Variants in PCBD1 observed in about 807,000 individuals in gnomAD.
PCBD1 encodes the protein pterin-4 alpha-carbinolamine dehydratase 1.
In PCBD1, 16 loss-of-function variants were observed where a neutral mutation model predicts 12.6. The ratio of observed to expected loss-of-function variants is 1.27; its 90% confidence interval spans 0.86 to 1.93. The LOEUF (loss-of-function observed/expected upper bound fraction) is 1.93, where lower values mean the gene tolerates loss of function less well. Among genes scored for constraint, PCBD1 ranks in the 30% most tolerant of loss-of-function variants. The pLI, the probability that PCBD1 is intolerant of heterozygous loss-of-function variation, is 0.00. For synonymous variants in PCBD1, 53 were observed against 50.2 expected, an observed-to-expected ratio of 1.05 and a Z score of -0.23; for missense variants, 86 against 130.1, an observed-to-expected ratio of 0.66 and a Z score of 1.65.
chr10:70,884,116 T>A, intron 3 of PCBD1, 68 bp from the exon 4 acceptor site: 2 of 1,524,980 alleles, frequency 1.3e-6, no homozygotes, highest in African/African-American at 1.4e-5. Flanking sequence ...CACTAGCTGC[T>A]GGGCTCAGCC....
At chr10:70,888,420 G>A in intron 1 of PCBD1, 111 bp downstream of exon 1, 2 of 1,250,660 alleles carry the variant, frequency 1.6e-6, no homozygotes, top group South Asian at 1.6e-5. Context: ...GGACCCCGGC[G>A]GCTCCGCAGG....
At chr10:70,885,441 T>C (rs576571852) in intron 2 of PCBD1, among the ~76,000 whole-genome samples, 2 of 152,354 alleles carry the variant, frequency 1.3e-5, no homozygotes, top group East Asian at 3.9e-4. Flanking sequence ...CTATTTAGGA[T>C]GTCAACAAGG....
chr10:70,886,176 G>A (rs1846579978), intron 1 of PCBD1, among the ~76,000 whole-genome samples: 1 of 152,104 alleles, frequency 6.6e-6, no homozygotes, highest in African/African-American at 2.4e-5. Flanking sequence ...ACACACACAA[G>A]GGAAATCACA....
chr10:70,887,452 C>G (rs1328276558), intron 1 of PCBD1, among the ~76,000 whole-genome samples: 1 of 152,186 alleles, frequency 6.6e-6, no homozygotes, highest in African/African-American at 2.4e-5. Flanking sequence ...GTAGGTAGGT[C>G]TCTACTCCAG....
rs187112254 is a variant in PCBD1, at chr10:70,886,136, G to C, written c.4-207C>G. Among the ~76,000 whole-genome samples, 49 of 152,224 alleles carry C rather than the reference G, an allele frequency of 3.2e-4. 1 individual carries two copies. Among genetic ancestry groups the C allele is most frequent in the African/African-American group, 1.1e-3 (44 of 41,512 alleles). On this transcript the variant is annotated intron_variant, in intron 1 of 3. Coordinates refer to ENST00000299299, the MANE Select transcript of PCBD1 (RefSeq NM_000281.4). ...GGGGTCCAGGCTCGTCTGCCGATAG[G>C]CCCTCAGGTCTTGGGTTTTAACACT...
Position 70,888,546 on chromosome 10 carries a change from A to G in PCBD1, c.-13T>C, listed in dbSNP as rs1478894617. 3 of 1,247,466 alleles carry G rather than the reference A, an allele frequency of 2.4e-6. No homozygotes were observed. The highest frequency in any genetic ancestry group is 3.0e-6 in the Non-Finnish European group (3 of 994,878). The allele number at this position is 1,247,466 out of a possible 1,614,324, so 77.3% of individuals were successfully genotyped here. On this transcript the variant is annotated 5_prime_UTR_variant, in exon 1 of 4. Coordinates refer to ENST00000299299, the MANE Select transcript of PCBD1 (RefSeq NM_000281.4). Reference sequence around the variant, plus strand: ...CTGGACTCACCATGGCGCGGGCGGCAGCAGGTGGCCAGCGGAGAGGGCAGG... The same window carrying G: ...CTGGACTCACCATGGCGCGGGCGGCGGCAGGTGGCCAGCGGAGAGGGCAGG...
At chr10:70,884,971 T>C (rs553271843) in intron 3 of PCBD1, among the ~76,000 whole-genome samples, 181 bp downstream of exon 3, 10 of 152,300 alleles carry the variant, frequency 6.6e-5, no homozygotes, top group South Asian at 4.1e-4. Flanking sequence ...GATTTTTTTT[T>C]CCCAGGGGTA....
chr10:70,888,130 A>C, intron 1 of PCBD1: 2 of 167,068 alleles, frequency 1.2e-5, no homozygotes, highest in East Asian at 1.7e-4. Flanking sequence ...CACGCACACG[A>C]GCGCGCAAAC....
intron 1 of PCBD1, 60 bp from the exon 2 acceptor site, chr10:70,885,989 G>T: frequency 1.3e-6 from 2 of 1,597,088 alleles, no homozygotes; most frequent in East Asian, 2.2e-5. Context: ...CAAAACAGAG[G>T]GGCTCCAACC....
At chr10:70,885,740 T>C in intron 2 of PCBD1, 58 bp downstream of exon 2, 1 of 1,606,438 alleles carries the variant, frequency 6.2e-7, no homozygotes. Flanking sequence ...AGAACATGCT[T>C]TGTAAGGTGA....
chr10:70,886,617 C>A (rs1460419471), intron 1 of PCBD1, among the ~76,000 whole-genome samples: 2 of 152,232 alleles, frequency 1.3e-5, no homozygotes, highest in African/African-American at 4.8e-5. Flanking sequence ...GCCGTTGGCA[C>A]TACCTCTAGT....
chr10:70,883,436 A>C (rs1453557108), downstream of PCBD1: 3 of 740,348 alleles, frequency 4.1e-6, no homozygotes, highest in Non-Finnish European at 5.1e-6. Flanking sequence ...AGCACAGAGG[A>C]AGTGCTTTCA....
chr10:70,888,398 G>A, intron 1 of PCBD1, 133 bp downstream of exon 1: 1 of 1,021,636 alleles, frequency 9.8e-7, no homozygotes, highest in Non-Finnish European at 1.3e-6. Flanking sequence ...GCCGGGCAGA[G>A]ACCCCACTTT....
At chr10:70,884,192 T>G (rs1846545925) in intron 3 of PCBD1, 144 bp from the exon 4 acceptor site, 1 of 752,384 alleles carries the variant, frequency 1.3e-6, no homozygotes, top group Admixed American at 2.0e-5. Context: ...TCCTGACATG[T>G]CTGTAACAAC....
chr10:70,883,179 A>G (rs914454738), downstream of PCBD1, among the ~76,000 whole-genome samples: 2 of 143,664 alleles, frequency 1.4e-5, no homozygotes, highest in East Asian at 2.1e-4. Context: ...GCATAACTCA[A>G]AGCCTCCAGA....
In PCBD1 at chr10:70,883,972, T is replaced by C. The variant is rs1846539530; in HGVS notation, c.293A>G (p.Gln98Arg). 4.3e-6 allele frequency: 7 copies of C among 1,614,060 alleles called. No individual in the cohort carries two copies. In the East Asian group the frequency reaches 1.6e-4, roughly 36 times the overall value. The change falls in exon 4 of 4, where the codon CAA becomes CGA. Residue 98 changes from glutamine (Q) to arginine (R), a missense_variant. By Grantham distance (43) the Gln-to-Arg change is conservative (BLOSUM62 1). Coordinates refer to ENST00000299299, the MANE Select transcript of PCBD1 (RefSeq NM_000281.4). ...GGTCTATGTCATGGACACTGCTACT[T>C]GTTCGATGAAGCTGGCCAGGTTTAT... is the stretch of plus-strand genomic sequence containing the variant. ...RDINLASFIE[Q>R]VAVSMT
Position 70,883,971 on chromosome 10 carries a change from T to C in PCBD1, c.294A>G (p.Gln98=), listed in dbSNP as rs773744136. ...GGGTCTATGTCATGGACACTGCTAC[T>C]TGTTCGATGAAGCTGGCCAGGTTTA... is the stretch of plus-strand genomic sequence containing the variant. ...RDINLASFIE[Q]VAVSMT Residue 98 remains glutamine (Q), a synonymous_variant, in exon 4 of 4, where the codon CAA becomes CAG. Transcript: ENST00000299299. 10 of 1,613,942 alleles carry C rather than the reference T, an allele frequency of 6.2e-6. No homozygotes were observed. The East Asian group carries it at 1.8e-4, about 29-fold the overall frequency.
intron 1 of PCBD1, among the ~76,000 whole-genome samples, chr10:70,886,361 T>C (rs1039665305): frequency 1.3e-5 from 2 of 152,062 alleles, no homozygotes; most frequent in Non-Finnish European, 2.9e-5. Context: ...TACCCATGAC[T>C]CTCCCCCCTT....
In PCBD1 at chr10:70,885,791, G is replaced by A. The variant is rs551956242; in HGVS notation, c.135+7C>T. 1.2e-5 allele frequency: 20 copies of A among 1,613,928 alleles called. No individual in the cohort carries two copies. The African/African-American group carries it at 1.9e-4, about 15-fold the overall frequency. ...TCAGAAAACTCTGTCCCACCCTGGTGCCATACCCTGTTGAAGTCTTTGAAA... is the reference window on the plus strand; with the variant it reads ...TCAGAAAACTCTGTCCCACCCTGGTACCATACCCTGTTGAAGTCTTTGAAA... On this transcript the variant is annotated splice_region_variant and intron_variant, in intron 2 of 3. Coordinates refer to ENST00000299299, the MANE Select transcript of PCBD1 (RefSeq NM_000281.4).
Sources: gnomAD v4.1 joint callset for allele counts (sites outside exome capture counted in the v4.1 genomes callset) on GRCh38, gnomAD v4.1.1 for gene constraint, MANE v1.5 for transcripts, NCBI Gene and HGNC (gene_info 2026-07-23, HGNC 2026-07-21) for gene names.